Variants in GTF3C5 observed in about 807,000 individuals in gnomAD.
The protein encoded by GTF3C5 is general transcription factor 3C polypeptide 5.
In GTF3C5, 47 loss-of-function variants were observed where a neutral mutation model predicts 61.0. The observed-to-expected ratio is 0.77, with a 90% CI of 0.61 to 0.98. The LOEUF is 0.98. Among genes scored for constraint, GTF3C5 ranks in the 50% least tolerant of loss-of-function variants. The probability of loss-of-function intolerance (pLI) is 0.00; values close to 1 mark genes in which losing one functional copy is unlikely to be tolerated. For missense variants in GTF3C5, 659 were observed against 703.3 expected, an observed-to-expected ratio of 0.94 and a Z score of 0.71; for synonymous variants, 295 against 275.4, an observed-to-expected ratio of 1.07 and a Z score of -0.71.
Position 133,031,068 on chromosome 9 carries a change from G to A in GTF3C5, c.57G>A (p.Arg19=). The change falls in exon 1 of 11, where the codon AGG becomes AGA. Residue 19 remains arginine, a synonymous_variant. Coordinates refer to ENST00000372097, the MANE Select transcript of GTF3C5 (RefSeq NM_012087.4). ...GLGAAVPVEL[R]RERRMVCVEY... ...GGGCCGCCGTCCCCGTGGAGCTGAGGCGGGAGCGACGCATGGTGTGCGTGG... is the reference window on the plus strand; with the variant it reads ...GGGCCGCCGTCCCCGTGGAGCTGAGACGGGAGCGACGCATGGTGTGCGTGG... 1 of 1,611,424 alleles carries A rather than the reference G, an allele frequency of 6.2e-7. No individual in the cohort carries two copies. Among genetic ancestry groups the A allele is most frequent in the Non-Finnish European group, 8.5e-7 (1 of 1,178,708 alleles).
rs1375746125 is a variant in GTF3C5, at chr9:133,054,883, T to TGGG, written c.1167+78_1167+80dup. On this transcript the variant is annotated intron_variant, in intron 8 of 10. Coordinates refer to ENST00000372097, the MANE Select transcript of GTF3C5 (RefSeq NM_012087.4). ...GGCCGGGCACCTTGTGGGTGACACC[T>TGGG]GGGGGGCTGTGATTAGGGCAGCTCT... 5.2e-6 allele frequency: 8 copies of TGGG among 1,536,938 alleles called. No individual in the cohort carries two copies. The South Asian group carries it at 9.6e-5, about 18-fold the overall frequency.
chr9:133,031,841 G>A (rs1223997457), intron 1 of GTF3C5, among the ~76,000 whole-genome samples: 2 of 152,176 alleles, frequency 1.3e-5, no homozygotes, highest in African/African-American at 4.8e-5. Context: ...GAGTGGCGGG[G>A]TGAGTAGTTT....
In GTF3C5 at chr9:133,054,818, C is replaced by T. The variant is rs1171270854; in HGVS notation, c.1167+9C>T. The T allele has an allele frequency of 6.4e-7, 1 of 1,560,616 alleles. No homozygotes were observed. The highest frequency in any genetic ancestry group is 8.7e-7 in the Non-Finnish European group (1 of 1,151,856). Reference sequence around the variant, plus strand: ...GCAAGTACAAGCTCAAGGTGGGCGCCCCTGGAGGCCAGGAATGGAGGGGAG... The same window carrying T: ...GCAAGTACAAGCTCAAGGTGGGCGCTCCTGGAGGCCAGGAATGGAGGGGAG... On this transcript the variant is annotated intron_variant, in intron 8 of 10. Coordinates refer to ENST00000372097, the MANE Select transcript of GTF3C5 (RefSeq NM_012087.4).
chr9:133,042,977 A>G (rs2118995524), intron 2 of GTF3C5, among the ~76,000 whole-genome samples: 1 of 152,348 alleles, frequency 6.6e-6, no homozygotes, highest in Admixed American at 6.5e-5. Flanking sequence ...TGAATGGGCC[A>G]GCCTCTGGCC....
At chr9:133,056,322 A>T (rs1829937808) in intron 9 of GTF3C5, among the ~76,000 whole-genome samples, 2 of 152,310 alleles carry the variant, frequency 1.3e-5, no homozygotes, top group South Asian at 4.1e-4. Flanking sequence ...TCTTACTGTT[A>T]TGTCCTTGCT....
Position 133,050,786 on chromosome 9 carries a change from A to G in GTF3C5, c.576A>G (p.Glu192=). 1.2e-6 allele frequency: 2 copies of G among 1,609,904 alleles called. No individual in the cohort carries two copies. The highest frequency in any genetic ancestry group is 1.7e-6 in the Non-Finnish European group (2 of 1,177,906). Residue 192 remains glutamate, a synonymous_variant, in exon 4 of 11, where the codon GAA becomes GAG. Transcript: ENST00000372097. ...YFYRPETQHR[E]GYNNPPISGE... ...CACCTGTACTCTCTGCCCCCAGGGA[A>G]GGCTACAACAATCCCCCCATCTCAG... is the stretch of plus-strand genomic sequence containing the variant.
chr9:133,041,751 G>A (rs949514031), intron 1 of GTF3C5, among the ~76,000 whole-genome samples: 1 of 152,080 alleles, frequency 6.6e-6, no homozygotes, highest in South Asian at 2.1e-4. Flanking sequence ...AAAACCCACC[G>A]ACCCTGTGGG....
chr9:133,044,307 C>T (rs963398373), intron 3 of GTF3C5: 4 of 224,054 alleles, frequency 1.8e-5, no homozygotes, highest in Non-Finnish European at 3.5e-5. Flanking sequence ...AGGTTGGCCT[C>T]AGTCCTGAGG....
At chr9:133,045,832 T>C (rs1288790059) in intron 3 of GTF3C5, among the ~76,000 whole-genome samples, 1 of 152,088 alleles carries the variant, frequency 6.6e-6, no homozygotes, top group Non-Finnish European at 1.5e-5. Flanking sequence ...AAATGAGGTT[T>C]CACCATATTG....
chr9:133,046,172 TA>T (rs1564199727), intron 3 of GTF3C5, among the ~76,000 whole-genome samples: 1 of 151,854 alleles, frequency 6.6e-6, no homozygotes, highest in Admixed American at 6.6e-5. Flanking sequence ...CAAAAAAAAC[TA>T]AAAAAGTTAG....
chr9:133,031,621 T>G (rs1383416823), intron 1 of GTF3C5, among the ~76,000 whole-genome samples: 1 of 152,194 alleles, frequency 6.6e-6, no homozygotes, highest in Non-Finnish European at 1.5e-5. Context: ...GGCAAACAGT[T>G]TTCTCAGCAA....
chr9:133,054,385 G>T lies in GTF3C5; in HGVS notation c.989-23G>T, dbSNP rs756924995. ...CGACGGGCCCTGTGCCCGCCCACCT[G>T]ACTTGCCCGCCCTCGCCTACAGGTT... On this transcript the variant is annotated intron_variant, in intron 6 of 10. Transcript: ENST00000372097. 1.9e-6 allele frequency: 3 copies of T among 1,609,524 alleles called. No individual in the cohort carries two copies. The South Asian group carries it at 3.3e-5, about 18-fold the overall frequency.
chr9:133,042,348 C>A, intron 2 of GTF3C5, 42 bp downstream of exon 2: 1 of 1,338,470 alleles, frequency 7.5e-7, no homozygotes, highest in Non-Finnish European at 1.1e-6. Flanking sequence ...TATTTCAGGG[C>A]TGGCCATCCT....
intron 3 of GTF3C5, among the ~76,000 whole-genome samples, chr9:133,049,690 T>A (rs1671921430): frequency 6.6e-6 from 1 of 152,208 alleles, no homozygotes; most frequent in Non-Finnish European, 1.5e-5. Context: ...CTACAAATAT[T>A]TTGAGAAATA....
At chr9:133,036,494 AG>A (rs999076029) in intron 1 of GTF3C5, among the ~76,000 whole-genome samples, 1 of 152,164 alleles carries the variant, frequency 6.6e-6, no homozygotes, top group East Asian at 1.9e-4. Flanking sequence ...AACTTTCGAC[AG>A]GAACACCACA....
intron 1 of GTF3C5, among the ~76,000 whole-genome samples, chr9:133,034,971 C>T (rs778925650): frequency 2.9e-4 from 44 of 152,272 alleles, no homozygotes; most frequent in Non-Finnish European, 4.9e-4. Flanking sequence ...GCATTTAGTC[C>T]ATGGCAACCG....
intron 8 of GTF3C5, 155 bp from the exon 9 acceptor site, chr9:133,055,857 C>T (rs1829922445): frequency 7.0e-7 from 1 of 1,426,638 alleles, no homozygotes; most frequent in Admixed American, 2.7e-5. Flanking sequence ...TTTTCCCCAA[C>T]TCCTCCGTGG....
chr9:133,042,798 G>A (rs1044363244), intron 2 of GTF3C5, among the ~76,000 whole-genome samples: 1 of 152,192 alleles, frequency 6.6e-6, no homozygotes, highest in Non-Finnish European at 1.5e-5. Flanking sequence ...AAGCAAGGGA[G>A]GGAGACGGGT....
chr9:133,051,132 T>C (rs1237313256), intron 4 of GTF3C5, among the ~76,000 whole-genome samples, 154 bp downstream of exon 4: 3 of 152,254 alleles, frequency 2.0e-5, no homozygotes, highest in Non-Finnish European at 4.4e-5. Flanking sequence ...TCAGATGCCA[T>C]GTCTAAAGGC....
Sources: gnomAD v4.1 joint callset for allele counts (sites outside exome capture counted in the v4.1 genomes callset) on GRCh38, gnomAD v4.1.1 for gene constraint, MANE v1.5 for transcripts, NCBI Gene and HGNC (gene_info 2026-07-23, HGNC 2026-07-21) for gene names.